Variants in CCDC146 observed in about 807,000 individuals in gnomAD.
The protein encoded by CCDC146 is coiled-coil domain containing 146.
Under a neutral mutation model 119.3 loss-of-function variants are expected in CCDC146, and 92 were observed. The observed-to-expected ratio is 0.77, with a 90% confidence interval of 0.65 to 0.92. The LOEUF (loss-of-function observed/expected upper bound fraction) is 0.92. CCDC146 is among the 40% of genes least tolerant of loss of function. The pLI, the probability that CCDC146 is intolerant of heterozygous loss-of-function variation, is 0.00. For missense variants in CCDC146, 1,000 were observed against 1,103.0 expected, an observed-to-expected ratio of 0.91 and a Z score of 1.32; for synonymous variants, 372 against 371.8, an observed-to-expected ratio of 1.00 and a Z score of -0.01.
At chr7:77,230,271 A>G (rs1211939503) in intron 2 of CCDC146, among the ~76,000 whole-genome samples, 1 of 152,060 alleles carries the variant, frequency 6.6e-6, no homozygotes, top group African/African-American at 2.4e-5. Context: ...AAGCTTTTAT[A>G]TGAGCATATA....
chr7:77,261,513 C>T (rs982883666), intron 8 of CCDC146, among the ~76,000 whole-genome samples: 2 of 152,072 alleles, frequency 1.3e-5, no homozygotes, highest in African/African-American at 4.8e-5. Context: ...CTCTGTCGCC[C>T]AGGCCGGACT....
intron 15 of CCDC146, among the ~76,000 whole-genome samples, chr7:77,285,429 A>C (rs1363092672): frequency 6.6e-6 from 1 of 152,208 alleles, no homozygotes; most frequent in Admixed American, 6.5e-5. Context: ...ATGTTAAATT[A>C]TTTGTCAGCA....
At chr7:77,228,871 A>G (rs1318797322) in intron 2 of CCDC146, among the ~76,000 whole-genome samples, 2 of 152,220 alleles carry the variant, frequency 1.3e-5, no homozygotes, top group Non-Finnish European at 2.9e-5. Context: ...GTACATATGC[A>G]GGATGTGCAG....
At chr7:77,125,861 G>T (rs180671166) in intron 1 of CCDC146, among the ~76,000 whole-genome samples, 1 of 152,076 alleles carries the variant, frequency 6.6e-6, no homozygotes, top group African/African-American at 2.4e-5. Flanking sequence ...TCAACATTGA[G>T]AAGTATTTAA....
At position 77,146,778 on chromosome 7, in the gene CCDC146, C is replaced by A. The variant is rs925163780; in HGVS notation, c.-11-20880C>A. ...CTTGTAGAGTTTCTGCCAAGAGATC[C>A]ACTGTTAGTCTGATGGGTTTCCCTT... On this transcript the variant is annotated intron_variant, in intron 1 of 18. Coordinates refer to ENST00000285871, the MANE Select transcript of CCDC146 (RefSeq NM_020879.3). Among the ~76,000 whole-genome samples, 6 of 152,282 alleles carry A rather than the reference C, an allele frequency of 3.9e-5. No individual in the cohort carries two copies. In the East Asian group the frequency reaches 9.6e-4, roughly 24 times the overall value.
chr7:77,285,485 A>G (rs542111957), intron 15 of CCDC146, among the ~76,000 whole-genome samples: 1 of 152,328 alleles, frequency 6.6e-6, no homozygotes, highest in Non-Finnish European at 1.5e-5. Flanking sequence ...TTAAATTTTA[A>G]AAATGCTACC....
At chr7:77,276,916 C>A (rs1364719950) in intron 11 of CCDC146, among the ~76,000 whole-genome samples, 1 of 152,016 alleles carries the variant, frequency 6.6e-6, no homozygotes, top group Non-Finnish European at 1.5e-5. Context: ...ACTAAAAGTA[C>A]AAAAAATTAG....
chr7:77,146,398 C>T (rs1031466099), intron 1 of CCDC146, among the ~76,000 whole-genome samples: 1 of 152,076 alleles, frequency 6.6e-6, no homozygotes, highest in African/African-American at 2.4e-5. Flanking sequence ...TTAATTGGAG[C>T]ACTTAGCCCA....
At chr7:77,218,624 T>G (rs1374517601) in intron 2 of CCDC146, among the ~76,000 whole-genome samples, 1 of 152,020 alleles carries the variant, frequency 6.6e-6, no homozygotes, top group Non-Finnish European at 1.5e-5. Flanking sequence ...TCTTTTTTTT[T>G]TTTTTGGCAG....
intron 2 of CCDC146, among the ~76,000 whole-genome samples, chr7:77,235,935 G>T (rs750467249): frequency 5.9e-5 from 9 of 152,112 alleles, no homozygotes; most frequent in Non-Finnish European, 1.3e-4. Context: ...GCTGGGCGTG[G>T]TGGTGTGCCC....
At position 77,280,649 on chromosome 7, in the gene CCDC146, G is replaced by T. The variant is rs1364304184; in HGVS notation, c.1915G>T (p.Glu639Ter). The stretch of plus-strand genomic sequence containing the variant: ...CGAAAAAGCTGTTCAGCATCGAAAT[G>T]AAAGGTAAAAACCAGGTGTGAGAAC... ...RYEKAVQHRN[E>*]SGVQLIEREE... The change falls in exon 14 of 19, where the codon GAA (glutamate) becomes TAA (stop). Residue 639 changes from glutamate to a stop codon, truncating the protein, a stop_gained. Transcript: ENST00000285871. LOFTEE classifies it high-confidence loss of function. 6.2e-7 allele frequency: 1 copy of T among 1,607,900 alleles called. No homozygotes were observed. Among genetic ancestry groups the T allele is most frequent in the Non-Finnish European group, 8.5e-7 (1 of 1,176,902 alleles).
intron 1 of CCDC146, among the ~76,000 whole-genome samples, chr7:77,144,174 AG>A (rs1331552135): frequency 1.3e-5 from 2 of 151,606 alleles, no homozygotes; most frequent in Non-Finnish European, 2.9e-5. Context: ...TTCTCTTTGA[AG>A]CAATTGTGAA....
chr7:77,166,309 T>G (rs759362847), intron 1 of CCDC146, among the ~76,000 whole-genome samples: 1 of 152,232 alleles, frequency 6.6e-6, no homozygotes, highest in East Asian at 1.9e-4. Flanking sequence ...GGTTTTATTT[T>G]GAAATGATTT....
At chr7:77,235,415 G>C (rs1273625074) in intron 2 of CCDC146, among the ~76,000 whole-genome samples, 1 of 152,100 alleles carries the variant, frequency 6.6e-6, no homozygotes, top group Non-Finnish European at 1.5e-5. Flanking sequence ...GAAGTAGGGG[G>C]AGTAAGGAAT....
intron 1 of CCDC146, among the ~76,000 whole-genome samples, chr7:77,154,553 G>T (rs548905380): frequency 3.7e-4 from 56 of 151,652 alleles, no homozygotes; most frequent in African/African-American, 1.3e-3. Flanking sequence ...AGAACATGCG[G>T]TGTTTGGCTT....
At chr7:77,139,494 A>G (rs1790904954) in intron 1 of CCDC146, among the ~76,000 whole-genome samples, 1 of 152,228 alleles carries the variant, frequency 6.6e-6, no homozygotes, top group Non-Finnish European at 1.5e-5. Flanking sequence ...GCTAAGAGTG[A>G]ACTCTAACGT....
At chr7:77,133,267 A>T (rs994403713) in intron 1 of CCDC146, among the ~76,000 whole-genome samples, 2 of 152,216 alleles carry the variant, frequency 1.3e-5, no homozygotes, top group Non-Finnish European at 2.9e-5. Flanking sequence ...AACAACAGGC[A>T]TCTGTGAAAA....
intron 16 of CCDC146, 35 bp downstream of exon 16, chr7:77,286,961 T>C (rs2150553549): frequency 6.2e-7 from 1 of 1,611,250 alleles, no homozygotes; most frequent in Non-Finnish European, 8.5e-7. Context: ...ATCTGTTAGC[T>C]CCTCGTTGAT....
intron 2 of CCDC146, among the ~76,000 whole-genome samples, chr7:77,174,740 T>A (rs574155667): frequency 6.6e-6 from 1 of 152,328 alleles, no homozygotes; most frequent in South Asian, 2.1e-4. Context: ...CACTACTGTG[T>A]AAATATACCA....
Sources: gnomAD v4.1 joint callset for allele counts (sites outside exome capture counted in the v4.1 genomes callset) on GRCh38, gnomAD v4.1.1 for gene constraint, MANE v1.5 for transcripts, NCBI Gene and HGNC (gene_info 2026-07-23, HGNC 2026-07-21) for gene names.